The following TECPR2 variants were observed in gnomAD, a reference collection of about 807,000 sequenced individuals.
TECPR2 encodes the protein tectonin beta-propeller repeat containing 2, also known as tectonin beta-propeller repeat-containing protein 2.
Under a neutral mutation model 138.1 loss-of-function variants are expected in TECPR2, and 65 were observed. The observed-to-expected ratio is 0.47, with a 90% CI of 0.39 to 0.58. The LOEUF is 0.58. Among genes scored for constraint, TECPR2 ranks in the 20% least tolerant of loss-of-function variants. TECPR2 has a pLI of 0.00. For synonymous variants in TECPR2, 746 were observed against 749.8 expected (o/e 0.99, Z 0.08); for missense variants, 1,553 against 1,824.5 (o/e 0.85, Z 2.71).
At position 102,443,549 on chromosome 14, in the gene TECPR2, A is replaced by G. The variant is rs1889891027; in HGVS notation, c.2753-98A>G. 8.1e-7 allele frequency: 1 copy of G among 1,227,806 alleles called. No individual in the cohort carries two copies. Among genetic ancestry groups the G allele is most frequent in the Non-Finnish European group, 1.1e-6 (1 of 944,574 alleles). 76.1% of individuals were successfully genotyped at this position (1,227,806 alleles called of 1,614,324 possible). The stretch of plus-strand genomic sequence containing the variant: ...GCACTCATCATAAAAGAATATAGCA[A>G]AATACCAAAAAAGGAAAAATAAGCC... On this transcript the variant is annotated intron_variant, in intron 11 of 19. Coordinates refer to ENST00000359520, the MANE Select transcript of TECPR2 (RefSeq NM_014844.5). This position sits in a 1 kb window ranked among gnomAD's most constrained non-coding sequence, Gnocchi z 4.9.
At chr14:102,446,076 G>A in intron 13 of TECPR2, 129 bp downstream of exon 13, 1 of 1,217,834 alleles carries the variant, frequency 8.2e-7, no homozygotes. Context: ...TTATTTGTTT[G>A]TTTGTTTTGA....
At chr14:102,478,796 A>G (rs1890822698) in intron 17 of TECPR2, among the ~76,000 whole-genome samples, 1 of 151,886 alleles carries the variant, frequency 6.6e-6, no homozygotes, top group Non-Finnish European at 1.5e-5. Flanking sequence ...CAGGTGGATC[A>G]CCTGAGCTCA....
In TECPR2 at chr14:102,434,601, C is replaced by T. The variant is rs150893437; in HGVS notation, c.1784C>T (p.Thr595Met). Reference sequence around the variant, plus strand: ...GAAGATGTGGGAGGCAGTGATGTCACGGGACTCGGAGATGAGCCGTGTCCT... The same window carrying T: ...GAAGATGTGGGAGGCAGTGATGTCATGGGACTCGGAGATGAGCCGTGTCCT... ...AREDVGGSDV[T>M]GLGDEPCPAD... Residue 595 changes from threonine (T) to methionine (M), a missense_variant, in exon 9 of 20, where the codon ACG becomes ATG. Transcript: ENST00000359520. The T allele has an allele frequency of 2.5e-4, 386 of 1,569,268 alleles. No homozygotes were observed. The highest frequency in any genetic ancestry group is 3.1e-4 in the Non-Finnish European group (361 of 1,153,010).
intron 17 of TECPR2, among the ~76,000 whole-genome samples, chr14:102,486,407 C>G (rs1240370083): frequency 3.9e-5 from 6 of 152,230 alleles, no homozygotes; most frequent in Admixed American, 3.3e-4. Context: ...TCAAGTGATC[C>G]TCTTACCTCA....
chr14:102,473,478 C>T (rs1375701712), intron 17 of TECPR2, among the ~76,000 whole-genome samples: 1 of 152,186 alleles, frequency 6.6e-6, no homozygotes, highest in Non-Finnish European at 1.5e-5. Flanking sequence ...TCGACTTGAG[C>T]TTCTTCATCT....
chr14:102,426,612 A>G (rs1161921717), intron 6 of TECPR2, among the ~76,000 whole-genome samples: 1 of 152,138 alleles, frequency 6.6e-6, no homozygotes, highest in Non-Finnish European at 1.5e-5. Context: ...CACTTTGGGC[A>G]CTTTGGAAGG....
At chr14:102,364,748 A>G (rs1436786758) in intron 1 of TECPR2, among the ~76,000 whole-genome samples, 6 of 152,120 alleles carry the variant, frequency 3.9e-5, no homozygotes, top group African/African-American at 9.7e-5. Context: ...TTCATTTCAT[A>G]TTAGCCGCTG....
chr14:102,494,872 G>T (rs1891241010), intron 17 of TECPR2, among the ~76,000 whole-genome samples: 1 of 151,324 alleles, frequency 6.6e-6, no homozygotes. Context: ...TCACTGGCAG[G>T]CTGAGACCTG....
chr14:102,412,178 C>G (rs1001639896), intron 4 of TECPR2, among the ~76,000 whole-genome samples: 2 of 135,352 alleles, frequency 1.5e-5, no homozygotes, highest in Non-Finnish European at 3.0e-5. Context: ...CTCACCCAGG[C>G]TGGTGCACAG....
At chr14:102,397,483 A>T (rs948108662) in intron 2 of TECPR2, among the ~76,000 whole-genome samples, 5 of 152,230 alleles carry the variant, frequency 3.3e-5, no homozygotes, top group African/African-American at 1.2e-4. Context: ...GCGGTAGCTC[A>T]TGCCTGTAAA....
intron 2 of TECPR2, among the ~76,000 whole-genome samples, chr14:102,398,312 A>G (rs1052545013): frequency 6.6e-6 from 1 of 152,174 alleles, no homozygotes; most frequent in Middle Eastern, 3.2e-3. Flanking sequence ...CAAGTCTGAC[A>G]AACAGAAAAA....
chr14:102,401,637 A>G (rs1249918864), intron 2 of TECPR2, among the ~76,000 whole-genome samples: 2 of 151,052 alleles, frequency 1.3e-5, no homozygotes, highest in South Asian at 2.1e-4. Flanking sequence ...CCCTGTCTCT[A>G]TTAAAAAATA....
chr14:102,469,921 T>TTCA (rs1367948447), intron 17 of TECPR2, among the ~76,000 whole-genome samples: 12 of 152,226 alleles, frequency 7.9e-5, no homozygotes, highest in African/African-American at 2.9e-4. Context: ...GAAACACAGT[T>TTCA]TCATTCCTGG....
At position 102,434,387 on chromosome 14, in the gene TECPR2, C is replaced by G; in HGVS notation, c.1570C>G (p.Pro524Ala). 2 of 1,530,948 alleles carry G rather than the reference C, an allele frequency of 1.3e-6. No individual in the cohort carries two copies. Among genetic ancestry groups the G allele is most frequent in the Non-Finnish European group, 1.8e-6 (2 of 1,141,064 alleles). 94.8% of individuals were successfully genotyped at this position (1,530,948 alleles called of 1,614,324 possible). ...CGTGGATCAGTTAAGTGCAGAGTCT[C>G]CAGACCAGGAAAGCAGCTTCAATGG... The part of the protein sequence containing the change: ...SSVDQLSAES[P>A]DQESSFNGEV... The change falls in exon 9 of 20, where the codon CCA becomes GCA. Residue 524 changes from proline (P) to alanine (A), a missense_variant. By Grantham distance (27) the Pro-to-Ala change is conservative (BLOSUM62 -1). Coordinates refer to ENST00000359520, the MANE Select transcript of TECPR2 (RefSeq NM_014844.5).
chr14:102,371,895 G>A (rs1887517384), intron 1 of TECPR2, among the ~76,000 whole-genome samples: 1 of 152,160 alleles, frequency 6.6e-6, no homozygotes, highest in Non-Finnish European at 1.5e-5. Flanking sequence ...GAAAAAGTCT[G>A]TGTGTGTGCA....
At chr14:102,418,798 G>A (rs968512025) in intron 5 of TECPR2, among the ~76,000 whole-genome samples, 3 of 152,158 alleles carry the variant, frequency 2.0e-5, no homozygotes, top group Admixed American at 6.5e-5. Flanking sequence ...GTTGGTGGTC[G>A]GACTGCTTCC....
chr14:102,398,975 T>C (rs575218839), intron 2 of TECPR2, among the ~76,000 whole-genome samples: 2 of 151,998 alleles, frequency 1.3e-5, no homozygotes, highest in South Asian at 4.2e-4. Flanking sequence ...TCAAAAACTT[T>C]GGAGGGGTCA....
rs116951000 is a variant in TECPR2 at position 102,493,194 on chromosome 14, C to T, written c.3790-3785C>T. Among the ~76,000 whole-genome samples, 104 of 152,378 alleles carry T rather than the reference C, an allele frequency of 6.8e-4. 4 individuals are homozygous for T. The East Asian group carries it at 0.016, about 23-fold the overall frequency. ...TTCAAAAGCTAGCTGCTTCAAACCA[C>T]AGCGCGTCTCAGCTCTGGGCCAGGA... is the stretch of plus-strand genomic sequence containing the variant. On this transcript the variant is annotated intron_variant, in intron 17 of 19. Coordinates refer to ENST00000359520, the MANE Select transcript of TECPR2 (RefSeq NM_014844.5).
At chr14:102,414,601 G>A (rs751467966) in intron 4 of TECPR2, 35 bp from the exon 5 acceptor site, 6 of 1,611,254 alleles carry the variant, frequency 3.7e-6, no homozygotes, top group Middle Eastern at 3.4e-4. Context: ...TTAGCCTGGC[G>A]CTGATGTGAG....
Sources: allele counts gnomAD v4.1 joint callset (sites outside exome capture counted in the v4.1 genomes callset), GRCh38; gene constraint gnomAD v4.1.1; non-coding constraint Gnocchi (gnomAD v3.1); transcripts MANE v1.5; gene names NCBI Gene and HGNC (gene_info 2026-07-23, HGNC 2026-07-21).